The following PCDHGA8 variants were observed in gnomAD, a reference collection of about 807,000 sequenced individuals.
PCDHGA8 encodes the protein protocadherin gamma-A8.
In PCDHGA8, 45 loss-of-function variants were observed where a neutral mutation model predicts 59.2. The ratio of observed to expected loss-of-function variants is 0.76; its 90% CI spans 0.60 to 0.98. The LOEUF (loss-of-function observed/expected upper bound fraction) is 0.98, where lower values mean the gene tolerates loss of function less well. PCDHGA8 is among the 50% of genes least tolerant of loss of function. The probability of loss-of-function intolerance (pLI) is 0.00; values close to 1 mark genes in which losing one functional copy is unlikely to be tolerated. For missense variants in PCDHGA8, 1,257 were observed against 1,196.2 expected, an observed-to-expected ratio of 1.05 and a Z score of -0.75; for synonymous variants, 531 against 519.0, an observed-to-expected ratio of 1.02 and a Z score of -0.32.
At chr5:141,492,161 TC>T (rs1269738341) in intron 1 of PCDHGA8, among the ~76,000 whole-genome samples, 2 of 152,142 alleles carry the variant, frequency 1.3e-5, no homozygotes, top group Admixed American at 6.5e-5. Context: ...ACCCTCCCTA[TC>T]CCCGCATCAC....
rs1193417991 is a variant in PCDHGA8 at position 141,491,413 on chromosome 5, G to C, written c.2425-3394G>C. 5.0e-6 allele frequency: 8 copies of C among 1,613,946 alleles called. No individual in the cohort carries two copies. Among genetic ancestry groups the C allele is most frequent in the African/African-American group, 1.3e-5 (1 of 74,906 alleles). ...CCTTCAGGGAAACGCAGACGGGGAC[G>C]GGGGTGGAGGGCAGTGCTGCAGGCG... On this transcript the variant is annotated intron_variant, in intron 1 of 3. Transcript: ENST00000398604. The surrounding 1 kb of genome is among the most constrained non-coding windows in gnomAD (Gnocchi z 6.9).
At chr5:141,415,740 G>GTTTTTGTTTTTTTTTT (rs2095911468) in intron 1 of PCDHGA8, 1 of 515,998 alleles carries the variant, frequency 1.9e-6, no homozygotes, top group Non-Finnish European at 2.6e-6. Context: ...GTTTATTAAG[G>GTTTTTGTTTTTTTTTT]TTTTTTTTTT....
rs543209695 is a variant in PCDHGA8, at chr5:141,431,563, C to A, written c.2424+36326C>A. The stretch of plus-strand genomic sequence containing the variant: ...AGCTGCTTGTAGTCAACGCTACCGA[C>A]CCTGACGAAGGAGTCAATGCGGAAG... On this transcript the variant is annotated intron_variant, in intron 1 of 3. Coordinates refer to ENST00000398604, the MANE Select transcript of PCDHGA8 (RefSeq NM_032088.2). The surrounding 1 kb of genome is among the most constrained non-coding windows in gnomAD (Gnocchi z 4.8). 1.2e-6 allele frequency: 2 copies of A among 1,614,144 alleles called. No individual in the cohort carries two copies. The highest frequency in any genetic ancestry group is 2.7e-5 in the African/African-American group (2 of 75,072).
intron 1 of PCDHGA8, among the ~76,000 whole-genome samples, chr5:141,481,749 C>G (rs958851030): frequency 7.9e-5 from 12 of 151,976 alleles, no homozygotes; most frequent in African/African-American, 2.9e-4. Context: ...GTCAGGAGTC[C>G]AAGACCAGCC....
intron 1 of PCDHGA8, among the ~76,000 whole-genome samples, chr5:141,481,761 G>A (rs984825493): frequency 2.6e-5 from 4 of 152,234 alleles, no homozygotes; most frequent in Non-Finnish European, 2.9e-5. Context: ...AGACCAGCCT[G>A]GCCAACATGG....
chr5:141,490,822 C>T lies in PCDHGA8; in HGVS notation c.2425-3985C>T. ...GCGTACCTTTGACTATGAATTGCTG[C>T]AGATGCTGCAGATTGTGGTGGGGGT... On this transcript the variant is annotated intron_variant, in intron 1 of 3. Coordinates refer to ENST00000398604, the MANE Select transcript of PCDHGA8 (RefSeq NM_032088.2). This position sits in a 1 kb window ranked among gnomAD's most constrained non-coding sequence, Gnocchi z 5.4. 2 of 1,613,842 alleles carry T rather than the reference C, an allele frequency of 1.2e-6. No individual in the cohort carries two copies. Among genetic ancestry groups the T allele is most frequent in the Non-Finnish European group, 1.7e-6 (2 of 1,179,790 alleles).
rs1423427104 is a variant in PCDHGA8, at chr5:141,417,737, C to T, written c.2424+22500C>T. 5 of 1,407,068 alleles carry T rather than the reference C, an allele frequency of 3.6e-6. No homozygotes were observed. In the African/African-American group the frequency reaches 7.2e-5, roughly 20 times the overall value. 87.2% of individuals were successfully genotyped at this position (1,407,068 alleles called of 1,614,324 possible). ...CCGGCTGCGCAGACCTTGCCCAGCA[C>T]ACCAGATTGCCAGCTCCGAGACCCG... is the stretch of plus-strand genomic sequence containing the variant. On this transcript the variant is annotated intron_variant, in intron 1 of 3. Transcript: ENST00000398604.
intron 3 of PCDHGA8, 61 bp downstream of exon 3, chr5:141,505,542 A>C: frequency 2.6e-5 from 42 of 1,604,950 alleles, no homozygotes; most frequent in Non-Finnish European, 3.2e-5. Flanking sequence ...GGTGCATCTC[A>C]CAGCCACCAT....
At chr5:141,482,606 T>G (rs2099569173) in intron 1 of PCDHGA8, among the ~76,000 whole-genome samples, 1 of 146,712 alleles carries the variant, frequency 6.8e-6, no homozygotes, top group African/African-American at 2.6e-5. Context: ...AAAAAACACC[T>G]AAATGAGCCT....
At chr5:141,473,809 A>C (rs1230574978) in intron 1 of PCDHGA8, among the ~76,000 whole-genome samples, 2 of 152,242 alleles carry the variant, frequency 1.3e-5, no homozygotes, top group East Asian at 3.8e-4. Flanking sequence ...ACTGAGGAGC[A>C]GCTGGACAAT....
intron 1 of PCDHGA8, chr5:141,413,750 G>T (rs1325273363): frequency 6.2e-7 from 1 of 1,612,538 alleles, no homozygotes; most frequent in African/African-American, 1.3e-5. Flanking sequence ...CGTGCCAATG[G>T]CGTCAAGTAC....
In PCDHGA8 at chr5:141,394,380, G is replaced by A. The variant is rs867131974; in HGVS notation, c.1567G>A (p.Glu523Lys). Residue 523 changes from glutamate (E) to lysine (K), a missense_variant, in exon 1 of 4, where the codon GAG becomes AAG. Glu to Lys is a moderately conservative substitution (Grantham distance 56). Coordinates refer to ENST00000398604, the MANE Select transcript of PCDHGA8 (RefSeq NM_032088.2). ...VLYALQSFDYEQIRDLQLLVT... is the reference protein window; with the variant it reads ...VLYALQSFDYKQIRDLQLLVT... ...GTATGCGCTGCAATCTTTCGACTAT[G>A]AGCAGATCCGAGACCTGCAGCTACT... The A allele has an allele frequency of 1.2e-6, 2 of 1,614,196 alleles. No homozygotes were observed. The highest frequency in any genetic ancestry group is 1.7e-6 in the Non-Finnish European group (2 of 1,180,040).
chr5:141,473,151 T>C (rs2099315238), intron 1 of PCDHGA8, among the ~76,000 whole-genome samples: 1 of 152,242 alleles, frequency 6.6e-6, no homozygotes. Context: ...TTCAGATCAC[T>C]AGGGCTAGGA....
intron 1 of PCDHGA8, chr5:141,408,109 C>T (rs1011504923): frequency 3.5e-6 from 5 of 1,445,662 alleles, no homozygotes; most frequent in Non-Finnish European, 4.6e-6. Flanking sequence ...AGACCCGGGA[C>T]TCCTCCTGTC....
chr5:141,490,445 A>G lies in PCDHGA8; in HGVS notation c.2425-4362A>G, dbSNP rs2099700298. 6.2e-7 allele frequency: 1 copy of G among 1,614,022 alleles called. No individual in the cohort carries two copies. The highest frequency in any genetic ancestry group is 8.5e-7 in the Non-Finnish European group (1 of 1,180,030). ...CCATTTCAGATTAAGCCTTCTGAGA[A>G]CCACTACTCGCTGCTAACCAGCCAG... On this transcript the variant is annotated intron_variant, in intron 1 of 3. Coordinates refer to ENST00000398604, the MANE Select transcript of PCDHGA8 (RefSeq NM_032088.2). The surrounding 1 kb of genome is among the most constrained non-coding windows in gnomAD (Gnocchi z 5.4).
rs755576652 is a variant in PCDHGA8 at position 141,410,511 on chromosome 5, G to A, written c.2424+15274G>A. 4.3e-6 allele frequency: 7 copies of A among 1,613,942 alleles called. No individual in the cohort carries two copies. In the Admixed American group the frequency reaches 8.3e-5, roughly 19 times the overall value. On this transcript the variant is annotated intron_variant, in intron 1 of 3. Transcript: ENST00000398604. ...AAAGAGTTTAATTTCCTAAAATGCA[G>A]TGTGCCCCTACATTCCAATGAAGAC... is the stretch of plus-strand genomic sequence containing the variant.
Position 141,476,702 on chromosome 5 carries a change from C to CTGG in PCDHGA8, c.2425-18102_2425-18100dup, listed in dbSNP as rs1562056101. On this transcript the variant is annotated intron_variant, in intron 1 of 3. Coordinates refer to ENST00000398604, the MANE Select transcript of PCDHGA8 (RefSeq NM_032088.2). This position sits in a 1 kb window ranked among gnomAD's most constrained non-coding sequence, Gnocchi z 7.6. ...GGAGGACAGCACCAAGTACGCGGAG[C>CTGG]TGGTGTTGGAGCGCGCCCTGGACCG... 5 of 1,614,222 alleles carry CTGG rather than the reference C, an allele frequency of 3.1e-6. No homozygotes were observed. The highest frequency in any genetic ancestry group is 4.2e-6 in the Non-Finnish European group (5 of 1,180,042).
At position 141,511,916 on chromosome 5, in the gene PCDHGA8, C is replaced by T. The variant is rs2099884006; in HGVS notation, c.*743C>T. ...CCACCTCCTCCTCAAACAAGAGACT[C>T]CACTGCATGTTCCAAGACAGTATGG... On this transcript the variant is annotated 3_prime_UTR_variant, in exon 4 of 4. Coordinates refer to ENST00000398604, the MANE Select transcript of PCDHGA8 (RefSeq NM_032088.2). The T allele has an allele frequency of 6.4e-6, 1 of 156,466 alleles. No individual in the cohort carries two copies. The highest frequency in any genetic ancestry group is 2.4e-5 in the African/African-American group (1 of 41,474). The allele number at this position is 156,466 out of a possible 1,614,324, so 9.7% of individuals were successfully genotyped here.
chr5:141,429,389 A>T (rs6890456), intron 1 of PCDHGA8, among the ~76,000 whole-genome samples: 7,460 of 147,570 alleles, frequency 0.051, 197 homozygotes, highest in South Asian at 0.075. Flanking sequence ...TTTTTTTTTA[A>T]AAAAAATTGA....
Sources: gnomAD v4.1 joint callset for allele counts (sites outside exome capture counted in the v4.1 genomes callset) on GRCh38, gnomAD v4.1.1 for gene constraint, Gnocchi (gnomAD v3.1) non-coding constraint, MANE v1.5 for transcripts, NCBI Gene and HGNC (gene_info 2026-07-23, HGNC 2026-07-21) for gene names.